The following PTTG1IP2 variants were observed in gnomAD, a reference collection of about 807,000 sequenced individuals.
The protein encoded by PTTG1IP2 is PTTG1IP family member 2.
At chr7:90,502,057 T>C (rs1001699663) in intron 6 of PTTG1IP2, among the ~76,000 whole-genome samples, 4 of 152,258 alleles carry the variant, frequency 2.6e-5, no homozygotes, top group African/African-American at 9.6e-5. Context: ...TTCAAGAAAC[T>C]ACTTTCTTTG....
chr7:90,502,654 G>T (rs1296645008), intron 6 of PTTG1IP2, among the ~76,000 whole-genome samples: 2 of 152,214 alleles, frequency 1.3e-5, no homozygotes, highest in African/African-American at 4.8e-5. Context: ...GAACTCTCGA[G>T]TGACCAGGCG....
intron 2 of PTTG1IP2, among the ~76,000 whole-genome samples, chr7:90,484,615 G>A (rs1033184529): frequency 6.6e-6 from 1 of 152,072 alleles, no homozygotes; most frequent in Non-Finnish European, 1.5e-5. Flanking sequence ...ATATTATACT[G>A]TTCTTGGGGG....
intron 6 of PTTG1IP2, among the ~76,000 whole-genome samples, chr7:90,497,543 G>A (rs8180855): frequency 0.96 from 132,700 of 138,508 alleles, 63,606 homozygotes; most frequent in East Asian, 1. Context: ...CAGCCTGGGC[G>A]ACAGAGCGAG....
intron 1 of PTTG1IP2, among the ~76,000 whole-genome samples, chr7:90,473,422 C>A (rs543694354): frequency 6.6e-6 from 1 of 152,276 alleles, no homozygotes; most frequent in Admixed American, 6.5e-5. Flanking sequence ...TCCAGTCACA[C>A]CCTAGTGCCA....
intron 6 of PTTG1IP2, among the ~76,000 whole-genome samples, chr7:90,508,007 C>T (rs1024790106): frequency 1.3e-5 from 2 of 151,942 alleles, no homozygotes; most frequent in Non-Finnish European, 2.9e-5. Flanking sequence ...CCTGTAATCC[C>T]AGTACTTTGG....
intron 6 of PTTG1IP2, among the ~76,000 whole-genome samples, chr7:90,496,946 C>T (rs1282854143): frequency 2.6e-5 from 4 of 152,034 alleles, no homozygotes; most frequent in Non-Finnish European, 5.9e-5. Flanking sequence ...TTTTTGACCC[C>T]GTGGTTGTTC....
intron 2 of PTTG1IP2, among the ~76,000 whole-genome samples, chr7:90,481,085 T>A: frequency 6.6e-6 from 1 of 152,208 alleles, no homozygotes; most frequent in South Asian, 2.1e-4. Context: ...TAGATAAGAT[T>A]TTTTGTCTAG....
intron 1 of PTTG1IP2, among the ~76,000 whole-genome samples, chr7:90,471,709 A>T (rs1423953720): frequency 6.6e-6 from 1 of 152,232 alleles, no homozygotes; most frequent in Non-Finnish European, 1.5e-5. Context: ...AATTTTTATT[A>T]ATTCTCCCAA....
At position 90,512,806 on chromosome 7, in the gene PTTG1IP2, A is replaced by G. The variant is rs77272632; in HGVS notation, c.*51-472A>G. Among the ~76,000 whole-genome samples the G allele has an allele frequency of 2.8e-4, 43 of 152,366 alleles. 1 individual carries two copies. In the East Asian group the frequency reaches 8.3e-3, roughly 29 times the overall value. ...CTTTTGGACGATATTATTCTACAGA[A>G]CAGCTGCTGCTTTACAGTAACAGAC... is the stretch of plus-strand genomic sequence containing the variant. On this transcript the variant is annotated intron_variant, in intron 6 of 6. Transcript: ENST00000509356.
intron 6 of PTTG1IP2, among the ~76,000 whole-genome samples, chr7:90,510,669 G>T (rs1798178823): frequency 6.6e-6 from 1 of 152,192 alleles, no homozygotes; most frequent in African/African-American, 2.4e-5. Flanking sequence ...AAAAGTTTTT[G>T]AAGTTTCTCC....
chr7:90,502,794 T>C (rs1338595978), intron 6 of PTTG1IP2, among the ~76,000 whole-genome samples: 3 of 152,210 alleles, frequency 2.0e-5, no homozygotes, highest in Non-Finnish European at 2.9e-5. Flanking sequence ...TGGCATTCCA[T>C]TTATAGAGTG....
chr7:90,473,624 A>G (rs1797714686), intron 1 of PTTG1IP2, among the ~76,000 whole-genome samples: 1 of 152,224 alleles, frequency 6.6e-6, no homozygotes, highest in African/African-American at 2.4e-5. Context: ...ATTGTGATGT[A>G]AAACTGAATT....
intron 6 of PTTG1IP2, among the ~76,000 whole-genome samples, chr7:90,500,516 CAG>C (rs1282553866): frequency 1.3e-5 from 2 of 152,156 alleles, no homozygotes; most frequent in Non-Finnish European, 2.9e-5. Flanking sequence ...GGCTCCAACG[CAG>C]AGACTTGCCT....
chr7:90,485,535 A>G (rs1185076492), intron 2 of PTTG1IP2, among the ~76,000 whole-genome samples: 1 of 151,908 alleles, frequency 6.6e-6, no homozygotes, highest in African/African-American at 2.4e-5. Flanking sequence ...TCCTATTTAG[A>G]AGGAGGATAG....
In PTTG1IP2 at chr7:90,480,591, C is replaced by T. The variant is rs527977547; in HGVS notation, c.192+1317C>T. Among the ~76,000 whole-genome samples, 218 of 152,062 alleles carry T rather than the reference C, an allele frequency of 1.4e-3. 2 individuals carry two copies. Among genetic ancestry groups the T allele is most frequent in the African/African-American group, 4.9e-3 (204 of 41,456 alleles). ...TTTAAAAATATTTAAGCATATATTTCTAATTGATATTTTACTTTAAATATT... is the reference window on the plus strand; with the variant it reads ...TTTAAAAATATTTAAGCATATATTTTTAATTGATATTTTACTTTAAATATT... On this transcript the variant is annotated intron_variant, in intron 2 of 6. Coordinates refer to ENST00000509356, the MANE Select transcript of PTTG1IP2 (RefSeq NM_001365443.2).
intron 6 of PTTG1IP2, among the ~76,000 whole-genome samples, chr7:90,510,759 A>T (rs960820558): frequency 6.6e-6 from 1 of 152,254 alleles, no homozygotes; most frequent in African/African-American, 2.4e-5. Flanking sequence ...TTCACCGAGG[A>T]GATGGTAACC....
At chr7:90,492,140 A>T (rs1054143048) in intron 4 of PTTG1IP2, 99 bp from the exon 5 acceptor site, 4 of 151,974 alleles carry the variant, frequency 2.6e-5, no homozygotes, top group Non-Finnish European at 5.9e-5. Context: ...CAAAAATAAT[A>T]AAAAAATAAA....
chr7:90,494,990 A>G (rs1328866167), intron 6 of PTTG1IP2, among the ~76,000 whole-genome samples: 3 of 152,104 alleles, frequency 2.0e-5, no homozygotes, highest in Non-Finnish European at 4.4e-5. Flanking sequence ...AGCCTGGGTG[A>G]CGACAAAGAG....
chr7:90,498,921 G>C (rs928293722), intron 6 of PTTG1IP2, among the ~76,000 whole-genome samples: 1 of 152,048 alleles, frequency 6.6e-6, no homozygotes, highest in East Asian at 1.9e-4. Flanking sequence ...GCATGATCAT[G>C]GCTCACTGCA....
Sources: gnomAD v4.1 joint callset for allele counts (sites outside exome capture counted in the v4.1 genomes callset) on GRCh38, gnomAD v4.1.1 for gene constraint, MANE v1.5 for transcripts, NCBI Gene and HGNC (gene_info 2026-07-23, HGNC 2026-07-21) for gene names.